The following KCNN2 variants were observed in gnomAD, a reference collection of about 807,000 sequenced individuals.
KCNN2 encodes the protein small conductance calcium-activated potassium channel protein 2.
In KCNN2, 24 loss-of-function variants were observed where a neutral mutation model predicts 55.5. That is an observed-to-expected ratio of 0.43 (90% CI 0.31 to 0.61). The LOEUF is 0.61. Among genes scored for constraint, KCNN2 ranks in the 20% least tolerant of loss-of-function variants. The pLI, the probability that KCNN2 is intolerant of heterozygous loss-of-function variation, is 0.08. For synonymous variants in KCNN2, 431 were observed against 336.1 expected (o/e 1.28, Z -3.09); for missense variants, 754 against 853.6 (o/e 0.88, Z 1.45).
intron 2 of KCNN2, among the ~76,000 whole-genome samples, chr5:114,333,887 T>A (rs990814939): frequency 8.5e-5 from 13 of 152,172 alleles, no homozygotes. Context: ...TATGTTCAAC[T>A]GAAACTGAGC....
chr5:114,320,613 C>CAAA (rs1226435096), intron 2 of KCNN2, among the ~76,000 whole-genome samples: 1 of 117,956 alleles, frequency 8.5e-6, no homozygotes. Flanking sequence ...GACTCTGTCT[C>CAAA]AAAAAAAAAA....
intron 2 of KCNN2, among the ~76,000 whole-genome samples, chr5:114,368,029 G>T (rs1330399099): frequency 1.3e-5 from 2 of 152,276 alleles, no homozygotes; most frequent in Non-Finnish European, 2.9e-5. Flanking sequence ...TGGGTGAACT[G>T]TGTGGATCCA....
intron 1 of KCNN2, among the ~76,000 whole-genome samples, chr5:114,153,686 G>A (rs1263281324): frequency 6.6e-6 from 1 of 152,132 alleles, no homozygotes; most frequent in Non-Finnish European, 1.5e-5. Context: ...ATCTCTGGAA[G>A]GAAATGCTAT....
At chr5:114,265,524 G>A (rs1755193222) in intron 2 of KCNN2, among the ~76,000 whole-genome samples, 1 of 152,144 alleles carries the variant, frequency 6.6e-6, no homozygotes, top group African/African-American at 2.4e-5. Flanking sequence ...CAGTGTTTCA[G>A]TCAGAATCAA....
intron 1 of KCNN2, among the ~76,000 whole-genome samples, chr5:114,078,521 CAG>C (rs1750730897): frequency 6.6e-6 from 1 of 152,162 alleles, no homozygotes. Context: ...CTGATGAAGA[CAG>C]ATGATCAGCA....
At chr5:114,129,808 A>C (rs1752034710) in intron 1 of KCNN2, among the ~76,000 whole-genome samples, 1 of 152,232 alleles carries the variant, frequency 6.6e-6, no homozygotes, top group South Asian at 2.1e-4. Flanking sequence ...TGGCATGAAG[A>C]ATCCAAAATG....
chr5:114,374,741 A>G (rs191337862), intron 2 of KCNN2, among the ~76,000 whole-genome samples: 14 of 152,300 alleles, frequency 9.2e-5, no homozygotes, highest in Admixed American at 7.8e-4. Context: ...TATAGGACAC[A>G]TTGGGATTAT....
chr5:114,177,305 T>G (rs1753154737), intron 1 of KCNN2, among the ~76,000 whole-genome samples: 1 of 151,892 alleles, frequency 6.6e-6, no homozygotes, highest in Non-Finnish European at 1.5e-5. Flanking sequence ...GCCCGGCTAA[T>G]GTTTTGTATT....
At chr5:114,088,568 C>G (rs1197807299) in intron 1 of KCNN2, among the ~76,000 whole-genome samples, 4 of 151,928 alleles carry the variant, frequency 2.6e-5, no homozygotes, top group African/African-American at 9.7e-5. Context: ...TCTTCAATAT[C>G]TAATCTGTTA....
chr5:114,217,474 G>C (rs570030295), intron 1 of KCNN2, among the ~76,000 whole-genome samples: 1 of 152,182 alleles, frequency 6.6e-6, no homozygotes, highest in South Asian at 2.1e-4. Context: ...AGCAAATATA[G>C]TCAAGGAGGA....
intron 3 of KCNN2, among the ~76,000 whole-genome samples, chr5:114,445,273 T>C (rs1760360311): frequency 6.6e-6 from 1 of 152,146 alleles, no homozygotes; most frequent in Admixed American, 6.5e-5. Context: ...ATCTTTAATA[T>C]GATAAAAGCA....
intron 2 of KCNN2, among the ~76,000 whole-genome samples, chr5:114,225,374 G>T (rs763064499): frequency 1.3e-5 from 2 of 152,138 alleles, no homozygotes; most frequent in Admixed American, 6.5e-5. Context: ...TCAAGAAGGT[G>T]CAGTGTGTCT....
At chr5:114,259,680 C>T (rs1755061337) in intron 2 of KCNN2, among the ~76,000 whole-genome samples, 2 of 152,108 alleles carry the variant, frequency 1.3e-5, no homozygotes, top group South Asian at 4.1e-4. Context: ...TCTGACAGTT[C>T]AGATACTGGT....
At position 114,067,468 on chromosome 5, in the gene KCNN2, T is replaced by C. The variant is rs187427736; in HGVS notation, c.-271+10968T>C. On this transcript the variant is annotated intron_variant, in intron 1 of 10. Transcript: ENST00000512097. ...ACCAAATCCCTTTGTCTATGCATCTTTAATCTAATGGGATATAAGTGATTC... is the reference window on the plus strand; with the variant it reads ...ACCAAATCCCTTTGTCTATGCATCTCTAATCTAATGGGATATAAGTGATTC... Among the ~76,000 whole-genome samples, 15 of 152,344 alleles carry C rather than the reference T, an allele frequency of 9.8e-5. No individual in the cohort carries two copies. The East Asian group carries it at 1.5e-3, about 16-fold the overall frequency.
chr5:114,121,107 C>T (rs765779692), intron 1 of KCNN2, among the ~76,000 whole-genome samples: 1 of 152,222 alleles, frequency 6.6e-6, no homozygotes, highest in Non-Finnish European at 1.5e-5. Context: ...TGGGTTGGAA[C>T]ATGCATGGGC....
intron 2 of KCNN2, among the ~76,000 whole-genome samples, chr5:114,393,836 C>T (rs931060121): frequency 1.3e-5 from 2 of 151,586 alleles, no homozygotes; most frequent in African/African-American, 4.8e-5. Flanking sequence ...GCATATAACA[C>T]GTTTCTTCAT....
chr5:114,189,133 A>AGTGTGTGTGTGTGT (rs34640722), intron 1 of KCNN2, among the ~76,000 whole-genome samples: 109 of 149,998 alleles, frequency 7.3e-4, no homozygotes, highest in Middle Eastern at 3.4e-3. Context: ...TAGAACCAAT[A>AGTGTGTGTGTGTGT]GTGTGTGTGT....
At chr5:114,460,636 C>CTAAG (rs1373526355) in intron 3 of KCNN2, among the ~76,000 whole-genome samples, 1 of 152,156 alleles carries the variant, frequency 6.6e-6, no homozygotes, top group Non-Finnish European at 1.5e-5. Flanking sequence ...GGCACATTTT[C>CTAAG]TAAGTGTCTA....
chr5:114,489,945 C>G (rs1747768485), intron 6 of KCNN2, among the ~76,000 whole-genome samples: 1 of 152,210 alleles, frequency 6.6e-6, no homozygotes, highest in South Asian at 2.1e-4. Flanking sequence ...CAGCAGCTCT[C>G]TGCTTCTACC....
Sources: allele counts gnomAD v4.1 joint callset (sites outside exome capture counted in the v4.1 genomes callset), GRCh38; gene constraint gnomAD v4.1.1; transcripts MANE v1.5; gene names NCBI Gene and HGNC (gene_info 2026-07-23, HGNC 2026-07-21).